The following SCARB1 variants were observed in gnomAD, a reference collection of about 807,000 sequenced individuals.
The protein encoded by SCARB1 is CD36 and LIMPII analogous 1.
In SCARB1, 30 loss-of-function variants were observed where a neutral mutation model predicts 57.2. The ratio of observed to expected loss-of-function variants is 0.52; its 90% CI spans 0.39 to 0.71. The LOEUF (loss-of-function observed/expected upper bound fraction) is 0.71, where lower values mean the gene tolerates loss of function less well. SCARB1 is among the 30% of genes least tolerant of loss of function. SCARB1 has a pLI of 0.00. For synonymous variants in SCARB1, 249 were observed against 268.3 expected (o/e 0.93, Z 0.70); for missense variants, 543 against 671.2 (o/e 0.81, Z 2.11).
intron 7 of SCARB1, among the ~76,000 whole-genome samples, chr12:124,802,118 C>A (rs1469016240): frequency 1.4e-5 from 2 of 147,096 alleles, no homozygotes; most frequent in African/African-American, 5.1e-5. Flanking sequence ...CCATTGCACT[C>A]CAGCCTTGGC....
intron 1 of SCARB1, among the ~76,000 whole-genome samples, chr12:124,837,594 A>G (rs146521732): frequency 2.6e-5 from 1 of 39,004 alleles, no homozygotes; most frequent in African/African-American, 8.1e-5. Context: ...AAAAGAAAAG[A>G]AAAGTCAGCC....
rs59836236 is a variant in SCARB1, at chr12:124,822,253, AT to A, written c.127-4547del. On this transcript the variant is annotated intron_variant, in intron 1 of 12. Coordinates refer to ENST00000261693, the MANE Select transcript of SCARB1 (RefSeq NM_005505.5). The surrounding 1 kb of genome is among the most constrained non-coding windows in gnomAD (Gnocchi z 5.0). ...AACAAATATGGAATGATATATCCATATTTGATAGTTGGAAACAACTCAAATA... is the reference window on the plus strand; with the variant it reads ...AACAAATATGGAATGATATATCCATATTGATAGTTGGAAACAACTCAAATA... Among the ~76,000 whole-genome samples, 5,554 of 152,304 alleles carry A rather than the reference AT, an allele frequency of 0.036. 573 individuals are homozygous for A. The East Asian group carries it at 0.4, about 11-fold the overall frequency.
intron 1 of SCARB1, among the ~76,000 whole-genome samples, chr12:124,856,080 C>G (rs530663598): frequency 6.6e-6 from 1 of 152,236 alleles, no homozygotes; most frequent in East Asian, 1.9e-4. Context: ...CCGGCCATTC[C>G]GGGAAGGGAC....
intron 1 of SCARB1, among the ~76,000 whole-genome samples, chr12:124,838,894 C>T (rs140462690): frequency 2.7e-5 from 4 of 150,606 alleles, no homozygotes; most frequent in African/African-American, 9.8e-5. Context: ...TCTGCCTCAG[C>T]CTCCTAAGTA....
In SCARB1 at chr12:124,833,809, G is replaced by A. The variant is rs373372716; in HGVS notation, c.127-16102C>T. On this transcript the variant is annotated intron_variant, in intron 1 of 12. Transcript: ENST00000261693. ...CTTTAATGGGAAGCTCCACGCCCAG[G>A]ATGCTCACACGTCCCCCGCTTTTGA... Among the ~76,000 whole-genome samples the A allele has an allele frequency of 6.0e-4, 91 of 152,350 alleles. No homozygotes were observed. The East Asian group carries it at 6.2e-3, about 10-fold the overall frequency.
intron 1 of SCARB1, among the ~76,000 whole-genome samples, chr12:124,818,736 T>A (rs10846740): frequency 6.6e-6 from 1 of 150,944 alleles, no homozygotes; most frequent in African/African-American, 2.4e-5. Flanking sequence ...ACCTCCATAT[T>A]CCGGGTTCAA....
chr12:124,816,416 G>A (rs994277696), intron 2 of SCARB1, among the ~76,000 whole-genome samples: 3 of 152,170 alleles, frequency 2.0e-5, no homozygotes, highest in Non-Finnish European at 4.4e-5. Context: ...TACTTAGAAC[G>A]GCAGCCAACA....
At chr12:124,839,687 C>T (rs937109747) in intron 1 of SCARB1, 1 of 969,386 alleles carries the variant, frequency 1.0e-6, no homozygotes, top group Admixed American at 6.3e-5. Flanking sequence ...CACCCTCACC[C>T]CAACGGCACA....
intron 8 of SCARB1, among the ~76,000 whole-genome samples, chr12:124,795,511 C>T (rs1949914237): frequency 6.6e-6 from 1 of 152,294 alleles, no homozygotes; most frequent in Non-Finnish European, 1.5e-5. Context: ...CAAGTGCTTC[C>T]CACACAGTTA....
rs532003403 is a variant in SCARB1 at position 124,812,055 on chromosome 12, C to A, written c.631-90G>T. The A allele has an allele frequency of 7.7e-5, 75 of 968,696 alleles. No homozygotes were observed. The African/African-American group carries it at 1.0e-3, about 13-fold the overall frequency. 60.0% of individuals were successfully genotyped at this position (968,696 alleles called of 1,614,324 possible). A position where few individuals can be genotyped will look rare whatever the true frequency, so the allele number is the denominator to read the frequency against. ...ACATTCTGGGCTGAGCCCTCCTCCC[C>A]CTCCACCAGAAGGACAGGGCCCCCA... On this transcript the variant is annotated intron_variant, in intron 4 of 12. Transcript: ENST00000261693. This position sits in a 1 kb window ranked among gnomAD's most constrained non-coding sequence, Gnocchi z 4.3.
intron 7 of SCARB1, among the ~76,000 whole-genome samples, chr12:124,803,617 T>C (rs1342038834): frequency 7.0e-6 from 1 of 142,808 alleles, no homozygotes; most frequent in Non-Finnish European, 1.5e-5. Flanking sequence ...TCTGGGAACT[T>C]CTTTGTATCT....
chr12:124,850,757 A>G (rs1952362674), intron 1 of SCARB1, among the ~76,000 whole-genome samples: 1 of 152,254 alleles, frequency 6.6e-6, no homozygotes. Context: ...CTTGGTAAAC[A>G]GAATAGTCAG....
In SCARB1 at chr12:124,807,646, G is replaced by C; in HGVS notation, c.1009+115C>G. ...GCGGCCTCATTATCTTCGCCTAATGGGATTATCAAGAGTACAGAGGCCAGA... is the reference window on the plus strand; with the variant it reads ...GCGGCCTCATTATCTTCGCCTAATGCGATTATCAAGAGTACAGAGGCCAGA... On this transcript the variant is annotated intron_variant, in intron 7 of 12. Transcript: ENST00000261693. The surrounding 1 kb of genome is among the most constrained non-coding windows in gnomAD (Gnocchi z 5.3). The C allele has an allele frequency of 1.0e-6, 1 of 988,016 alleles. No homozygotes were observed. The highest frequency in any genetic ancestry group is 1.5e-6 in the Non-Finnish European group (1 of 654,312). 61.2% of individuals were successfully genotyped at this position (988,016 alleles called of 1,614,324 possible).
rs181619403 is a variant in SCARB1 at position 124,831,321 on chromosome 12, G to A, written c.127-13614C>T. Among the ~76,000 whole-genome samples, 49 of 152,026 alleles carry A rather than the reference G, an allele frequency of 3.2e-4. No homozygotes were observed. In the East Asian group the frequency reaches 9.3e-3, roughly 29 times the overall value. ...ACAGAAATGGGGTTTTACCATGTCG[G>A]CCAGGCTGAGGTCTCCAACTCCTGA... On this transcript the variant is annotated intron_variant, in intron 1 of 12. Transcript: ENST00000261693.
chr12:124,821,558 G>T (rs867636110), intron 1 of SCARB1: 1 of 985,198 alleles, frequency 1.0e-6, no homozygotes, highest in Admixed American at 6.2e-5. Flanking sequence ...ACTGCCCAAA[G>T]GGAATCTTCA....
rs964196593 is a variant in SCARB1, at chr12:124,817,790, G to A, written c.127-83C>T. The A allele has an allele frequency of 1.4e-5, 21 of 1,495,468 alleles. No individual in the cohort carries two copies. The highest frequency in any genetic ancestry group is 1.7e-4 in the Middle Eastern group (1 of 5,810). 92.6% of individuals were successfully genotyped at this position (1,495,468 alleles called of 1,614,324 possible). A position where few individuals can be genotyped will look rare whatever the true frequency, so the allele number is the denominator to read the frequency against. ...CCACAAGGCTCCGGAACAGCTGCCC[G>A]AGCCCGGCCAGGGAAGGGGCTCCTC... On this transcript the variant is annotated intron_variant, in intron 1 of 12. Transcript: ENST00000261693. This position sits in a 1 kb window ranked among gnomAD's most constrained non-coding sequence, Gnocchi z 4.8.
At position 124,800,038 on chromosome 12, in the gene SCARB1, A is replaced by G; in HGVS notation, c.1128+86T>C. On this transcript the variant is annotated intron_variant, in intron 8 of 12. Transcript: ENST00000261693. The surrounding 1 kb of genome is among the most constrained non-coding windows in gnomAD (Gnocchi z 4.8). ...GCTTCCCACCACCCCAGCCCACAGC[A>G]GCTCTCTGCCTGGGGAGAGAGGAGG... The G allele has an allele frequency of 9.9e-7, 1 of 1,014,404 alleles. No homozygotes were observed. The highest frequency in any genetic ancestry group is 1.6e-6 in the Non-Finnish European group (1 of 636,336). 62.8% of individuals were successfully genotyped at this position (1,014,404 alleles called of 1,614,324 possible). A position where few individuals can be genotyped will look rare whatever the true frequency, so the allele number is the denominator to read the frequency against.
chr12:124,844,619 A>T lies in SCARB1; in HGVS notation c.126+18976T>A, dbSNP rs532422440. 3.3e-5 allele frequency among the ~76,000 whole-genome samples: 5 copies of T among 151,836 alleles called. No individual in the cohort carries two copies. The South Asian group carries it at 1.0e-3, about 32-fold the overall frequency. ...ATCTGACTGACGCCCTTAAAAGAGG[A>T]GATTAGGACCCGCAGAGAGTCACCG... On this transcript the variant is annotated intron_variant, in intron 1 of 12. Transcript: ENST00000261693.
intron 1 of SCARB1, among the ~76,000 whole-genome samples, chr12:124,848,207 C>T: frequency 6.6e-6 from 1 of 152,210 alleles, no homozygotes; most frequent in East Asian, 1.9e-4. Flanking sequence ...CCTCAGCCTC[C>T]CGAGTAGCTG....
Sources: gnomAD v4.1 joint callset for allele counts (sites outside exome capture counted in the v4.1 genomes callset) on GRCh38, gnomAD v4.1.1 for gene constraint, Gnocchi (gnomAD v3.1) non-coding constraint, MANE v1.5 for transcripts, NCBI Gene and HGNC (gene_info 2026-07-23, HGNC 2026-07-21) for gene names.